The following CTPS2 variants were observed in gnomAD, a reference collection of about 807,000 sequenced individuals.
CTPS2 encodes CTP synthase 2, also known as CTP synthase II.
In CTPS2, 19 loss-of-function variants were observed where a neutral mutation model predicts 46.8. That is an observed-to-expected ratio of 0.41 (90% CI 0.28 to 0.60). The LOEUF (loss-of-function observed/expected upper bound fraction) is 0.60. Ranked by LOEUF, CTPS2 falls within the 20% of genes least tolerant of loss-of-function variation. CTPS2 has a pLI of 0.35. For missense variants in CTPS2, 286 were observed against 447.6 expected, an observed-to-expected ratio of 0.64 and a Z score of 3.26; for synonymous variants, 151 against 165.2, an observed-to-expected ratio of 0.91 and a Z score of 0.66.
intron 14 of CTPS2, among the ~76,000 whole-genome samples, chrX:16,637,609 T>C (rs1023934214): frequency 1.8e-5 from 2 of 112,635 alleles, no homozygotes; most frequent in Non-Finnish European, 3.7e-5. Flanking sequence ...TGAATCTTTC[T>C]CAATAGATAT....
At chrX:16,675,053 GT>G (rs1271876796) in intron 10 of CTPS2, among the ~76,000 whole-genome samples, 4 of 109,809 alleles carry the variant, frequency 3.6e-5, no homozygotes, top group African/African-American at 1.3e-4. Flanking sequence ...ATCACTTGAG[GT>G]CAGGAGTTCG....
chrX:16,598,063 G>A (rs1419246990), intron 17 of CTPS2, among the ~76,000 whole-genome samples: 6 of 102,472 alleles, frequency 5.9e-5, no homozygotes, highest in Non-Finnish European at 9.9e-5. Context: ...AGACTTTGCT[G>A]AAGTTGCTTA....
chrX:16,667,926 G>A (rs1187406648), intron 11 of CTPS2, among the ~76,000 whole-genome samples: 2 of 107,833 alleles, frequency 1.9e-5, no homozygotes, highest in African/African-American at 3.4e-5. Flanking sequence ...TCATGAAGCC[G>A]CCTAAGTCCC....
intron 4 of CTPS2, among the ~76,000 whole-genome samples, chrX:16,694,608 G>C (rs111815369): frequency 0.043 from 4,876 of 112,590 alleles, 256 homozygotes; most frequent in African/African-American, 0.15. Context: ...CAGCACTGGA[G>C]GTTTAGTTTA....
intron 13 of CTPS2, among the ~76,000 whole-genome samples, chrX:16,646,667 T>A (rs960571314): frequency 1.3e-4 from 15 of 112,383 alleles, no homozygotes; most frequent in Non-Finnish European, 1.5e-4. Context: ...GGATCAAAGA[T>A]AACAAGAACC....
intron 14 of CTPS2, among the ~76,000 whole-genome samples, chrX:16,625,443 C>T (rs1469322148): frequency 8.9e-6 from 1 of 111,866 alleles, no homozygotes; most frequent in Non-Finnish European, 1.9e-5. Flanking sequence ...AGCACACAGA[C>T]GGGCAGGTGC....
In CTPS2 at chrX:16,688,126, G is replaced by A. The variant is rs1281536518; in HGVS notation, c.872+1324C>T. ...AGTAAAAGAAAACAGGGCCGGGCGC[G>A]GTGGCTCACACCTGTAACCCCAGCA... On this transcript the variant is annotated intron_variant, in intron 8 of 18. Transcript: ENST00000359276. 7.2e-5 allele frequency among the ~76,000 whole-genome samples: 8 copies of A among 111,485 alleles called. No individual in the cohort carries two copies. The South Asian group carries it at 1.5e-3, about 21-fold the overall frequency.
chrX:16,691,684 C>T, intron 6 of CTPS2, 64 bp from the exon 7 acceptor site: 1 of 969,577 alleles, frequency 1.0e-6, no homozygotes, highest in Non-Finnish European at 1.5e-6. Flanking sequence ...ACATTCATTT[C>T]TTTTTACAAG....
At chrX:16,631,528 G>T (rs139283138) in intron 14 of CTPS2, among the ~76,000 whole-genome samples, 519 of 110,980 alleles carry the variant, frequency 4.7e-3, no homozygotes, top group Non-Finnish European at 6.8e-3. Context: ...CTAAAATAAA[G>T]AAATAAATAA....
chrX:16,665,995 A>AC (rs773033714), intron 13 of CTPS2, among the ~76,000 whole-genome samples: 14 of 112,246 alleles, frequency 1.2e-4, no homozygotes, highest in Admixed American at 2.8e-4. Flanking sequence ...CAAGTGATTG[A>AC]CCTGCCTAGG....
intron 16 of CTPS2, among the ~76,000 whole-genome samples, chrX:16,615,031 C>A (rs1385682610): frequency 8.9e-6 from 1 of 112,117 alleles, no homozygotes; most frequent in Non-Finnish European, 1.9e-5. Flanking sequence ...CAAAAATTAG[C>A]CGGGCATGGT....
chrX:16,640,723 C>T (rs749604202), intron 13 of CTPS2, among the ~76,000 whole-genome samples: 59 of 111,680 alleles, frequency 5.3e-4, no homozygotes, highest in African/African-American at 1.9e-3. Flanking sequence ...GTGAGTCGAC[C>T]TGTTCTAATG....
chrX:16,678,344 G>A lies in CTPS2; in HGVS notation c.1094+18C>T, dbSNP rs369786039. On this transcript the variant is annotated intron_variant, in intron 10 of 18. Coordinates refer to ENST00000359276, the MANE Select transcript of CTPS2 (RefSeq NM_175859.3). ...AATGGTCCTATCCTAACTGGTGTGC[G>A]TGGGCCCTGGTACTCACTCAGCTTT... 164 of 1,090,487 alleles carry A rather than the reference G, an allele frequency of 1.5e-4. No individual in the cohort carries two copies. The African/African-American group carries it at 2.5e-3, about 17-fold the overall frequency. 89.9% of individuals were successfully genotyped at this position (1,090,487 alleles called of 1,213,427 possible). A position where few individuals can be genotyped will look rare whatever the true frequency, so the allele number is the denominator to read the frequency against.
intron 13 of CTPS2, among the ~76,000 whole-genome samples, chrX:16,643,872 C>T (rs1434083399): frequency 9.0e-6 from 1 of 111,112 alleles, no homozygotes; most frequent in African/African-American, 3.3e-5. Context: ...AGACCACCTC[C>T]TTCTCTACTT....
At chrX:16,657,160 G>T (rs1456439489) in intron 13 of CTPS2, among the ~76,000 whole-genome samples, 2 of 106,762 alleles carry the variant, frequency 1.9e-5, no homozygotes, top group Non-Finnish European at 3.9e-5. Context: ...AAAGTGCTGG[G>T]ATTACAGGCA....
chrX:16,612,948 G>C (rs1930335917), intron 16 of CTPS2, among the ~76,000 whole-genome samples: 2 of 112,414 alleles, frequency 1.8e-5, no homozygotes, highest in South Asian at 7.3e-4. Context: ...CATCCAGTAA[G>C]TGCACACTGA....
At chrX:16,610,003 A>C (rs1042857267) in intron 16 of CTPS2, among the ~76,000 whole-genome samples, 3 of 111,728 alleles carry the variant, frequency 2.7e-5, no homozygotes, top group African/African-American at 9.8e-5. Flanking sequence ...TGTTGGTTCA[A>C]TTTCCCTTGG....
intron 1 of CTPS2, among the ~76,000 whole-genome samples, chrX:16,711,006 G>A (rs759603951): frequency 8.9e-6 from 1 of 112,100 alleles, no homozygotes; most frequent in Admixed American, 9.5e-5. Flanking sequence ...TTCCTCCATT[G>A]AGGATTGTTT....
intron 3 of CTPS2, 63 bp downstream of exon 3, chrX:16,698,860 A>T (rs1332003158): frequency 1.9e-6 from 2 of 1,059,184 alleles, no homozygotes. Context: ...CTTCAGTTCT[A>T]CTTTTGAGCA....
Sources: allele counts gnomAD v4.1 joint callset (sites outside exome capture counted in the v4.1 genomes callset), GRCh38; gene constraint gnomAD v4.1.1; transcripts MANE v1.5; gene names NCBI Gene and HGNC (gene_info 2026-07-23, HGNC 2026-07-21).